ANKS1B: variants seen among roughly 807,000 people sequenced by gnomAD.
The protein encoded by ANKS1B is ankyrin repeat and sterile alpha motif domain-containing protein 1B.
In ANKS1B, 36 loss-of-function variants were observed where a neutral mutation model predicts 148.3. The observed-to-expected ratio is 0.24, with a 90% CI of 0.19 to 0.32. The LOEUF is 0.32. Ranked by LOEUF, ANKS1B falls within the 10% of genes least tolerant of loss-of-function variation. The pLI, the probability that ANKS1B is intolerant of heterozygous loss-of-function variation, is 1.00. For synonymous variants in ANKS1B, 542 were observed against 560.8 expected, an observed-to-expected ratio of 0.97 and a Z score of 0.47; for missense variants, 1,157 against 1,542.6, an observed-to-expected ratio of 0.75 and a Z score of 4.19.
intron 12 of ANKS1B, chr12:99,352,207 G>T (rs940984196): frequency 2.6e-5 from 4 of 151,922 alleles, no homozygotes; most frequent in Admixed American, 6.6e-5. Context: ...ATAAATTAAA[G>T]TTCTTCTAAG....
intron 1 of ANKS1B, among the ~76,000 whole-genome samples, chr12:99,983,738 T>C (rs957932672): frequency 6.6e-6 from 1 of 152,154 alleles, no homozygotes; most frequent in Non-Finnish European, 1.5e-5. Flanking sequence ...CCAATTTCAT[T>C]TAACTAGACA....
chr12:99,037,116 G>A (rs1004082184), intron 17 of ANKS1B, among the ~76,000 whole-genome samples: 2 of 152,146 alleles, frequency 1.3e-5, no homozygotes, highest in Non-Finnish European at 2.9e-5. Context: ...ATCCCATCAC[G>A]TTCAAAATGT....
intron 16 of ANKS1B, 141 bp downstream of exon 16, chr12:99,084,784 C>A (rs2153628094): frequency 1.6e-6 from 1 of 614,342 alleles, no homozygotes; most frequent in Non-Finnish European, 2.8e-6. Context: ...TCTGAATGTG[C>A]AGTTGGACCT....
intron 17 of ANKS1B, among the ~76,000 whole-genome samples, chr12:98,975,393 C>A (rs553530080): frequency 6.6e-6 from 1 of 151,306 alleles, no homozygotes; most frequent in Non-Finnish European, 1.5e-5. Flanking sequence ...TACCTTCCTG[C>A]CTTCCTGCCT....
chr12:99,249,678 C>T (rs574357927), intron 12 of ANKS1B, among the ~76,000 whole-genome samples: 4 of 152,340 alleles, frequency 2.6e-5, no homozygotes, highest in Admixed American at 1.3e-4. Flanking sequence ...TGGCCCCAGT[C>T]TGCTCACAGC....
At position 99,134,643 on chromosome 12, in the gene ANKS1B, T is replaced by TCA. The variant is rs1344848028; in HGVS notation, c.2526+19645_2526+19646insTG. On this transcript the variant is annotated intron_variant, in intron 15 of 26. Coordinates refer to ENST00000683438, the MANE Select transcript of ANKS1B (RefSeq NM_001352186.2). ...ATCCCTTTCTGTCTCTCTCTCTCTC[T>TCA]CTCACACACACACACACACACACAC... 2.3e-3 allele frequency among the ~76,000 whole-genome samples: 190 copies of TCA among 83,120 alleles called. 1 individual carries two copies. Among genetic ancestry groups the TCA allele is most frequent in the South Asian group, 4.2e-3 (9 of 2,166 alleles). The allele number at this position is 83,120 out of a possible 152,430, so 54.5% of individuals were successfully genotyped here.
At chr12:98,882,791 A>G (rs1596190351) in intron 17 of ANKS1B, among the ~76,000 whole-genome samples, 1 of 152,122 alleles carries the variant, frequency 6.6e-6, no homozygotes, top group East Asian at 1.9e-4. Flanking sequence ...TTAGGTAAAG[A>G]GAATGATCAT....
intron 16 of ANKS1B, among the ~76,000 whole-genome samples, chr12:99,055,081 G>T (rs1015513062): frequency 7.9e-5 from 12 of 152,208 alleles, no homozygotes; most frequent in African/African-American, 2.2e-4. Context: ...TGGATGTTAT[G>T]TATGTATAAG....
chr12:99,747,118 T>TTA (rs1475120046), intron 8 of ANKS1B, among the ~76,000 whole-genome samples: 3 of 152,056 alleles, frequency 2.0e-5, no homozygotes, highest in South Asian at 4.1e-4. Context: ...TATATCAAGC[T>TTA]TATACCTTTG....
At chr12:99,618,464 T>C (rs530411626) in intron 9 of ANKS1B, among the ~76,000 whole-genome samples, 1 of 152,200 alleles carries the variant, frequency 6.6e-6, no homozygotes, top group East Asian at 1.9e-4. Context: ...GGGACTTTAA[T>C]TCAAGAAGGA....
At chr12:99,529,989 C>T (rs531076661) in intron 9 of ANKS1B, among the ~76,000 whole-genome samples, 4 of 152,096 alleles carry the variant, frequency 2.6e-5, no homozygotes, top group Non-Finnish European at 5.9e-5. Context: ...AGATAAGAGT[C>T]CAGGGTTCAA....
At chr12:99,157,645 G>A (rs1029536340) in intron 14 of ANKS1B, among the ~76,000 whole-genome samples, 2 of 152,084 alleles carry the variant, frequency 1.3e-5, no homozygotes, top group African/African-American at 4.8e-5. Flanking sequence ...AATAGACACT[G>A]GAGACTCAGA....
intron 8 of ANKS1B, among the ~76,000 whole-genome samples, chr12:99,711,236 CTAATGT>C (rs1430164067): frequency 6.6e-6 from 1 of 152,076 alleles, no homozygotes; most frequent in African/African-American, 2.4e-5. Flanking sequence ...ATGCACCATG[CTAATGT>C]TATTACTTTT....
chr12:99,243,934 G>C lies in ANKS1B; in HGVS notation c.2419+408C>G, dbSNP rs958885327. On this transcript the variant is annotated intron_variant, in intron 14 of 26. Coordinates refer to ENST00000683438, the MANE Select transcript of ANKS1B (RefSeq NM_001352186.2). ...ACCTAATGTAAATGACGAGTTGATGGGTGCAGCAAACCAACATGGCACATG... is the reference window on the plus strand; with the variant it reads ...ACCTAATGTAAATGACGAGTTGATGCGTGCAGCAAACCAACATGGCACATG... Among the ~76,000 whole-genome samples, 3 of 152,062 alleles carry C rather than the reference G, an allele frequency of 2.0e-5. No individual in the cohort carries two copies. The South Asian group carries it at 6.2e-4, about 32-fold the overall frequency.
chr12:99,061,158 T>C (rs891005961), intron 16 of ANKS1B, among the ~76,000 whole-genome samples: 4 of 152,222 alleles, frequency 2.6e-5, no homozygotes, highest in African/African-American at 9.6e-5. Context: ...ATCAGCTTTT[T>C]TTCTGGTTGC....
At chr12:99,931,351 A>T (rs1316698099) in intron 1 of ANKS1B, among the ~76,000 whole-genome samples, 1 of 151,992 alleles carries the variant, frequency 6.6e-6, no homozygotes, top group African/African-American at 2.4e-5. Flanking sequence ...TAATAATAAA[A>T]TTTAAAAAAA....
At chr12:98,946,487 G>C (rs1043753745) in intron 17 of ANKS1B, among the ~76,000 whole-genome samples, 3 of 152,052 alleles carry the variant, frequency 2.0e-5, no homozygotes, top group Non-Finnish European at 4.4e-5. Context: ...GAACAAAAAG[G>C]GTTCCTGCCT....
chr12:99,649,499 TAGTGATGACAGTA>T (rs1306305009), intron 9 of ANKS1B: 2 of 885,696 alleles, frequency 2.3e-6, no homozygotes. Context: ...GCAACAGCAG[TAGTGATGACAGTA>T]AGCACCACCA....
intron 17 of ANKS1B, among the ~76,000 whole-genome samples, chr12:99,027,520 G>A (rs1022976573): frequency 6.6e-6 from 1 of 152,158 alleles, no homozygotes; most frequent in Non-Finnish European, 1.5e-5. Context: ...CAGTTTCATG[G>A]CTACTCAGAG....
Sources: gnomAD v4.1 joint callset for allele counts (sites outside exome capture counted in the v4.1 genomes callset) on GRCh38, gnomAD v4.1.1 for gene constraint, MANE v1.5 for transcripts, NCBI Gene and HGNC (gene_info 2026-07-23, HGNC 2026-07-21) for gene names.